SCHIP1: variants seen among roughly 807,000 people sequenced by gnomAD.
The protein encoded by SCHIP1 is schwannomin-interacting protein 1.
In SCHIP1, 8 loss-of-function variants were observed where a neutral mutation model predicts 29.7. That is an observed-to-expected ratio of 0.27 (90% confidence interval 0.16 to 0.49). SCHIP1 has a LOEUF of 0.49. SCHIP1 is among the 20% of genes least tolerant of loss of function. SCHIP1 has a pLI of 0.99. For synonymous variants in SCHIP1, 76 were observed against 94.9 expected (o/e 0.80, Z 1.16); for missense variants, 193 against 294.6 (o/e 0.66, Z 2.52).
intron 6 of SCHIP1, chr3:159,894,184 AT>A (rs1220736570): frequency 6.6e-6 from 1 of 152,174 alleles, no homozygotes; most frequent in Admixed American, 6.5e-5. Context: ...GGGCATGAGA[AT>A]TTTTTTAAAG....
At chr3:159,741,995 T>A in the SCHIP1 span, among the ~76,000 whole-genome samples, 1 of 152,162 alleles carries the variant, frequency 6.6e-6, no homozygotes, top group Non-Finnish European at 1.5e-5. Context: ...TTGGAGAGGC[T>A]GAGGTGGGCG....
chr3:159,611,125 A>G, the SCHIP1 span, among the ~76,000 whole-genome samples: 1 of 152,186 alleles, frequency 6.6e-6, no homozygotes, highest in Non-Finnish European at 1.5e-5. Flanking sequence ...CAGGGCAGAA[A>G]TATAATTCAG....
At chr3:159,788,045 C>T in the SCHIP1 span, among the ~76,000 whole-genome samples, 6 of 152,078 alleles carry the variant, frequency 3.9e-5, no homozygotes, top group Non-Finnish European at 5.9e-5. Context: ...ATAATCTTAT[C>T]GAGATGACTT....
the SCHIP1 span, among the ~76,000 whole-genome samples, chr3:159,414,356 T>G: frequency 2.0e-5 from 3 of 152,192 alleles, no homozygotes; most frequent in East Asian, 1.9e-4. Flanking sequence ...GTAAGCATTA[T>G]TGTCTTCTGC....
At chr3:159,618,486 T>A in the SCHIP1 span, among the ~76,000 whole-genome samples, 2 of 152,220 alleles carry the variant, frequency 1.3e-5, no homozygotes, top group African/African-American at 4.8e-5. Flanking sequence ...ATGAAACTGA[T>A]CTGGGTGATT....
the SCHIP1 span, among the ~76,000 whole-genome samples, chr3:159,412,161 C>T: frequency 1.3e-5 from 2 of 152,154 alleles, no homozygotes; most frequent in Non-Finnish European, 2.9e-5. Context: ...GGATAAGCAA[C>T]TCCTTTCAAT....
chr3:159,426,356 C>A, the SCHIP1 span, among the ~76,000 whole-genome samples: 3 of 152,046 alleles, frequency 2.0e-5, no homozygotes, highest in African/African-American at 7.2e-5. Flanking sequence ...GGGGATATCA[C>A]CACCGATCCC....
chr3:159,336,256 A>G, the SCHIP1 span, among the ~76,000 whole-genome samples: 1 of 152,232 alleles, frequency 6.6e-6, no homozygotes, highest in Admixed American at 6.5e-5. Flanking sequence ...CCTTTGTCAG[A>G]TGAGTAGATT....
the SCHIP1 span, among the ~76,000 whole-genome samples, chr3:159,605,196 G>A: frequency 1.3e-5 from 2 of 152,150 alleles, no homozygotes; most frequent in Admixed American, 1.3e-4. Context: ...TAGAAGGAGG[G>A]TGGGCTAGGA....
At chr3:159,308,103 C>T in the SCHIP1 span, among the ~76,000 whole-genome samples, 2 of 151,726 alleles carry the variant, frequency 1.3e-5, no homozygotes, top group South Asian at 4.1e-4. Flanking sequence ...AGTTTTTATT[C>T]TGTGAAGAAT....
the SCHIP1 span, among the ~76,000 whole-genome samples, chr3:159,678,774 A>G: frequency 4.6e-5 from 7 of 152,194 alleles, no homozygotes; most frequent in East Asian, 1.4e-3. Context: ...GAGGCCTCAG[A>G]AAACTTACAA....
the SCHIP1 span, among the ~76,000 whole-genome samples, chr3:159,750,294 T>TAC: frequency 6.2e-4 from 85 of 136,228 alleles, no homozygotes; most frequent in African/African-American, 2.2e-3. Context: ...TATATATATA[T>TAC]ATACACACAC....
the SCHIP1 span, among the ~76,000 whole-genome samples, chr3:159,614,874 C>A: frequency 5.9e-5 from 9 of 152,136 alleles, no homozygotes; most frequent in Non-Finnish European, 1.5e-5. Context: ...TAGGTGCGTG[C>A]AAGGGACACG....
the SCHIP1 span, among the ~76,000 whole-genome samples, chr3:159,752,593 G>T: frequency 6.6e-6 from 1 of 152,132 alleles, no homozygotes; most frequent in Non-Finnish European, 1.5e-5. Context: ...GTGGGAGTGA[G>T]GTGTCTCGCA....
At chr3:159,664,797 T>G in the SCHIP1 span, among the ~76,000 whole-genome samples, 2,419 of 152,336 alleles carry the variant, frequency 0.016, 31 homozygotes, top group Non-Finnish European at 0.024. Flanking sequence ...ACACCTATCT[T>G]GATGGTCAGT....
chr3:159,814,621 C>G, the SCHIP1 span, among the ~76,000 whole-genome samples: 4 of 152,342 alleles, frequency 2.6e-5, no homozygotes, highest in East Asian at 7.7e-4. Context: ...ATGTGCCGCA[C>G]ATTTTGCCGA....
the SCHIP1 span, among the ~76,000 whole-genome samples, chr3:159,760,179 A>T: frequency 6.6e-6 from 1 of 152,144 alleles, no homozygotes; most frequent in Non-Finnish European, 1.5e-5. Context: ...AAATCTCCCT[A>T]CTTGCTAAAT....
chr3:159,330,778 C>T, the SCHIP1 span, among the ~76,000 whole-genome samples: 1 of 152,118 alleles, frequency 6.6e-6, no homozygotes, highest in Non-Finnish European at 1.5e-5. Flanking sequence ...AAAAGAACTT[C>T]CCTGCCACAG....
At chr3:159,396,475 T>C in the SCHIP1 span, among the ~76,000 whole-genome samples, 1 of 148,026 alleles carries the variant, frequency 6.8e-6, no homozygotes, top group African/African-American at 2.5e-5. Context: ...TTCCTTTCCA[T>C]GTTTAGTGCT....
Sources: allele counts gnomAD v4.1 joint callset (sites outside exome capture counted in the v4.1 genomes callset), GRCh38; gene constraint gnomAD v4.1.1; transcripts MANE v1.5; gene names NCBI Gene and HGNC (gene_info 2026-07-23, HGNC 2026-07-21).